Variants in HOOK3 observed in about 807,000 individuals in gnomAD.
HOOK3 encodes hook microtubule tethering protein 3.
HOOK3 carries 24 observed loss-of-function variants against 116.3 expected under a neutral mutation model. The ratio of observed to expected loss-of-function variants is 0.21; its 90% CI spans 0.15 to 0.29. The LOEUF (loss-of-function observed/expected upper bound fraction) is 0.29, where lower values mean the gene tolerates loss of function less well. Among genes scored for constraint, HOOK3 ranks in the 10% least tolerant of loss-of-function variants. HOOK3 has a pLI of 1.00. For synonymous variants in HOOK3, 275 were observed against 283.0 expected (o/e 0.97, Z 0.28); for missense variants, 632 against 830.2 (o/e 0.76, Z 2.93).
intron 4 of HOOK3, among the ~76,000 whole-genome samples, chr8:42,932,824 C>T (rs945690044): frequency 2.6e-5 from 4 of 152,270 alleles, no homozygotes; most frequent in Middle Eastern, 3.4e-3. Flanking sequence ...TAATTTGAGC[C>T]TACACTGCCG....
chr8:42,943,530 A>G (rs1342046448), intron 5 of HOOK3, 85 bp downstream of exon 5: 1 of 866,986 alleles, frequency 1.2e-6, no homozygotes, highest in African/African-American at 1.8e-5. Context: ...AATCACCAGT[A>G]CCAACAGTAA....
intron 2 of HOOK3, among the ~76,000 whole-genome samples, chr8:42,922,053 C>T (rs1807666881): frequency 6.6e-6 from 1 of 152,174 alleles, no homozygotes; most frequent in Admixed American, 6.5e-5. Flanking sequence ...GTATGATTAT[C>T]CACGTGCTAA....
intron 2 of HOOK3, among the ~76,000 whole-genome samples, chr8:42,910,788 G>C (rs1327687218): frequency 6.6e-6 from 1 of 152,202 alleles, no homozygotes; most frequent in African/African-American, 2.4e-5. Flanking sequence ...CATAGACATG[G>C]TGTCCACCCT....
intron 17 of HOOK3, among the ~76,000 whole-genome samples, chr8:43,003,562 T>C (rs1809417088): frequency 6.6e-6 from 1 of 152,170 alleles, no homozygotes; most frequent in Non-Finnish European, 1.5e-5. Context: ...TCAGAAAGGA[T>C]TTATTAGTGA....
chr8:42,909,714 C>T (rs1182476090), intron 2 of HOOK3, among the ~76,000 whole-genome samples: 1 of 152,204 alleles, frequency 6.6e-6, no homozygotes, highest in Non-Finnish European at 1.5e-5. Context: ...ATCCTCCTGC[C>T]TTGGCCTGAC....
chr8:42,975,760 C>T (rs1203545280), intron 13 of HOOK3, among the ~76,000 whole-genome samples: 2 of 152,192 alleles, frequency 1.3e-5, no homozygotes, highest in Admixed American at 1.3e-4. Flanking sequence ...GGCTGGAGTG[C>T]AGTGGCGAGA....
intron 11 of HOOK3, among the ~76,000 whole-genome samples, chr8:42,971,701 G>A (rs1808730797): frequency 6.6e-6 from 1 of 151,528 alleles, no homozygotes; most frequent in East Asian, 1.9e-4. Flanking sequence ...TTTATTTTGA[G>A]GCAGAGTCTG....
rs771534591 is a variant in HOOK3 at position 42,943,320 on chromosome 8, G to A, written c.275G>A (p.Gly92Glu). The change falls in exon 5 of 22, where the codon GGA (glycine) becomes GAA (glutamate). Residue 92 changes from glycine to glutamate, a missense_variant. This residue lies in a region of HOOK3 where 141 missense variants were observed against 150.8 expected (regional missense o/e 0.93). Coordinates refer to ENST00000307602, the MANE Select transcript of HOOK3 (RefSeq NM_032410.4). ...GILDYNHEIL[G>E]QQINDFTLPD... ...CCTTTTATCTCCATTCAGATTTTAG[G>A]ACAGCAAATTAATGACTTTACCCTT... 2.7e-6 allele frequency: 4 copies of A among 1,488,370 alleles called. No homozygotes were observed. Among genetic ancestry groups the A allele is most frequent in the Non-Finnish European group, 3.6e-6 (4 of 1,112,756 alleles). 92.2% of individuals were successfully genotyped at this position (1,488,370 alleles called of 1,614,324 possible).
chr8:42,943,912 G>A (rs1455028499), intron 5 of HOOK3, among the ~76,000 whole-genome samples: 1 of 152,070 alleles, frequency 6.6e-6, no homozygotes, highest in Non-Finnish European at 1.5e-5. Context: ...AAAAGAGAGG[G>A]AAGAGTATCA....
Position 42,940,624 on chromosome 8 carries a change from A to G in HOOK3, c.268-2689A>G, listed in dbSNP as rs374310601. On this transcript the variant is annotated intron_variant, in intron 4 of 21. Coordinates refer to ENST00000307602, the MANE Select transcript of HOOK3 (RefSeq NM_032410.4). Reference sequence around the variant, plus strand: ...GGTTTCTGCAGAGAGATCTGCTGTTAGTCTGATGGGCTTCCCTTTGTGGGC... The same window carrying G: ...GGTTTCTGCAGAGAGATCTGCTGTTGGTCTGATGGGCTTCCCTTTGTGGGC... Among the ~76,000 whole-genome samples, 6 of 152,176 alleles carry G rather than the reference A, an allele frequency of 3.9e-5. No individual in the cohort carries two copies. In the East Asian group the frequency reaches 5.8e-4, roughly 15 times the overall value.
chr8:42,946,464 A>G (rs542570276), intron 5 of HOOK3, among the ~76,000 whole-genome samples: 2 of 152,302 alleles, frequency 1.3e-5, no homozygotes, highest in East Asian at 1.9e-4. Context: ...GATAGGGGCT[A>G]TTATAAATGA....
chr8:42,940,347 C>T (rs1402986944), intron 4 of HOOK3, among the ~76,000 whole-genome samples: 7 of 152,230 alleles, frequency 4.6e-5, no homozygotes, highest in Admixed American at 6.5e-5. Context: ...TCAGGCGTGG[C>T]GGCGCGCGCC....
chr8:43,007,582 A>C (rs542666396), intron 17 of HOOK3, among the ~76,000 whole-genome samples: 1 of 152,308 alleles, frequency 6.6e-6, no homozygotes, highest in Non-Finnish European at 1.5e-5. Flanking sequence ...AAGTTATCTA[A>C]ATATTCCTAG....
intron 5 of HOOK3, among the ~76,000 whole-genome samples, chr8:42,945,781 G>C (rs1467602402): frequency 6.6e-6 from 1 of 152,090 alleles, no homozygotes; most frequent in Non-Finnish European, 1.5e-5. Context: ...ATTAGAGAAG[G>C]CTATTCTCAG....
chr8:42,982,735 A>T (rs1563307193), intron 14 of HOOK3, 39 bp downstream of exon 14: 2 of 1,305,290 alleles, frequency 1.5e-6, no homozygotes, highest in African/African-American at 2.9e-5. Context: ...ACTGCACAGT[A>T]TTCTTGGAGA....
intron 1 of HOOK3, among the ~76,000 whole-genome samples, chr8:42,905,572 A>G (rs1284010035): frequency 2.0e-5 from 3 of 151,996 alleles, no homozygotes; most frequent in African/African-American, 7.2e-5. Context: ...GGTAGAGGGG[A>G]TGAACGTGCC....
chr8:42,950,019 A>G (rs1321113489), intron 5 of HOOK3, among the ~76,000 whole-genome samples: 1 of 152,194 alleles, frequency 6.6e-6, no homozygotes, highest in Non-Finnish European at 1.5e-5. Context: ...ACTGCATAGC[A>G]AAGAGTAATG....
At chr8:42,957,826 CTTTT>C (rs11383704) in intron 7 of HOOK3, among the ~76,000 whole-genome samples, 5 of 135,274 alleles carry the variant, frequency 3.7e-5, no homozygotes, top group African/African-American at 5.6e-5. Context: ...ATATCTCTTC[CTTTT>C]TTTTTTTTTT....
At chr8:42,954,738 TC>T (rs1338384970) in intron 6 of HOOK3, among the ~76,000 whole-genome samples, 2 of 152,192 alleles carry the variant, frequency 1.3e-5, no homozygotes, top group African/African-American at 4.8e-5. Flanking sequence ...ATGGTCTCTT[TC>T]CTCACAAAGC....
Sources: gnomAD v4.1 joint callset for allele counts (sites outside exome capture counted in the v4.1 genomes callset) on GRCh38, gnomAD v4.1.1 for gene constraint, gnomAD v4.1.1 regional missense constraint, MANE v1.5 for transcripts, NCBI Gene and HGNC (gene_info 2026-07-23, HGNC 2026-07-21) for gene names.